The following SNX29 variants were observed in gnomAD, a reference collection of about 807,000 sequenced individuals.
SNX29 encodes the protein sorting nexin-29.
SNX29 carries 78 observed loss-of-function variants against 102.1 expected under a neutral mutation model. That is an observed-to-expected ratio of 0.76 (90% confidence interval 0.64 to 0.92). SNX29 has a LOEUF of 0.92. Ranked by LOEUF, SNX29 falls within the 40% of genes least tolerant of loss-of-function variation. The probability of loss-of-function intolerance (pLI) is 0.00; values close to 1 mark genes in which losing one functional copy is unlikely to be tolerated. For missense variants in SNX29, 1,280 were observed against 1,061.7 expected, an observed-to-expected ratio of 1.21 and a Z score of -2.86; for synonymous variants, 580 against 414.5, an observed-to-expected ratio of 1.40 and a Z score of -4.85.
At position 12,569,006 on chromosome 16, in the gene SNX29, G is replaced by C. The variant is rs916286226; in HGVS notation, c.*377G>C. ...CAAAGGTGATCCCCTATATAGGAAG[G>C]TTCATGCAGAGCCAGCCTCTCCACT... On this transcript the variant is annotated 3_prime_UTR_variant, in exon 21 of 21. Transcript: ENST00000566228. The C allele has an allele frequency of 3.7e-6, 1 of 270,138 alleles. No homozygotes were observed. The highest frequency in any genetic ancestry group is 5.8e-5 in the East Asian group (1 of 17,272). The allele number at this position is 270,138 out of a possible 1,614,324, so 16.7% of individuals were successfully genotyped here.
At chr16:12,302,252 G>C (rs1318840186) in intron 15 of SNX29, among the ~76,000 whole-genome samples, 1 of 152,192 alleles carries the variant, frequency 6.6e-6, no homozygotes, top group Non-Finnish European at 1.5e-5. Context: ...GCCACGTTCC[G>C]TCAAACTTTA....
At chr16:12,124,411 G>A (rs1182731457) in intron 11 of SNX29, among the ~76,000 whole-genome samples, 3 of 151,826 alleles carry the variant, frequency 2.0e-5, no homozygotes, top group Non-Finnish European at 4.4e-5. Context: ...GCCCTGAGGA[G>A]CTTAAAGTTC....
At position 12,046,704 on chromosome 16, in the gene SNX29, C is replaced by T. The variant is rs376834834; in HGVS notation, c.499+250C>T. 1.1e-4 allele frequency among the ~76,000 whole-genome samples: 16 copies of T among 152,362 alleles called. No individual in the cohort carries two copies. In the East Asian group the frequency reaches 1.4e-3, roughly 13 times the overall value. ...ATGCAACCTCGGCTCACTGCAACCT[C>T]CGCCTCCTGGGTTCAAGTCATTTTC... On this transcript the variant is annotated intron_variant, in intron 6 of 20. Coordinates refer to ENST00000566228, the MANE Select transcript of SNX29 (RefSeq NM_032167.5).
At chr16:12,151,850 C>T (rs1354889273) in intron 13 of SNX29, among the ~76,000 whole-genome samples, 1 of 152,208 alleles carries the variant, frequency 6.6e-6, no homozygotes, top group Non-Finnish European at 1.5e-5. Flanking sequence ...ATTCTCCTGC[C>T]TCAGCCTCCT....
intron 14 of SNX29, among the ~76,000 whole-genome samples, chr16:12,218,636 G>T (rs2077388677): frequency 6.6e-6 from 1 of 152,100 alleles, no homozygotes. Flanking sequence ...GAACAGTCAG[G>T]AATTTTCCTC....
intron 18 of SNX29, among the ~76,000 whole-genome samples, chr16:12,415,185 A>G (rs945971887): frequency 1.3e-5 from 2 of 152,260 alleles, no homozygotes; most frequent in Non-Finnish European, 2.9e-5. Flanking sequence ...AGGACCCACA[A>G]ACTGGCAGTG....
In SNX29 at chr16:12,572,355, G is replaced by A. The variant is rs1423652710; in HGVS notation, c.*3726G>A. On this transcript the variant is annotated 3_prime_UTR_variant, in exon 21 of 21. Coordinates refer to ENST00000566228, the MANE Select transcript of SNX29 (RefSeq NM_032167.5). Reference sequence around the variant, plus strand: ...CACCAGCCTGCCTGGTTGATGGACAGCAGGCTCTGCCTTCTGGAGGCGGCT... The same window carrying A: ...CACCAGCCTGCCTGGTTGATGGACAACAGGCTCTGCCTTCTGGAGGCGGCT... 1.9e-6 allele frequency: 2 copies of A among 1,062,646 alleles called. No individual in the cohort carries two copies. The highest frequency in any genetic ancestry group is 2.3e-6 in the Non-Finnish European group (2 of 877,666). The allele number at this position is 1,062,646 out of a possible 1,614,324, so 65.8% of individuals were successfully genotyped here.
At chr16:12,013,984 G>A (rs2056764698) in intron 3 of SNX29, among the ~76,000 whole-genome samples, 1 of 151,786 alleles carries the variant, frequency 6.6e-6, no homozygotes, top group Non-Finnish European at 1.5e-5. Flanking sequence ...TGTTTTTAAA[G>A]ACGGGTCTTG....
intron 19 of SNX29, among the ~76,000 whole-genome samples, chr16:12,523,023 G>A (rs1462453295): frequency 1.3e-5 from 2 of 152,140 alleles, no homozygotes; most frequent in African/African-American, 4.8e-5. Flanking sequence ...TGTTACCCAG[G>A]CTGGTCTCAA....
chr16:12,423,541 G>A (rs906930884), intron 18 of SNX29, among the ~76,000 whole-genome samples: 7 of 152,146 alleles, frequency 4.6e-5, no homozygotes, highest in African/African-American at 1.7e-4. Flanking sequence ...TGGGGTAACA[G>A]GTGCCAAGTG....
chr16:12,048,546 C>G lies in SNX29; in HGVS notation c.674C>G (p.Ser225Cys). The G allele has an allele frequency of 1.2e-6, 2 of 1,613,978 alleles. No homozygotes were observed. The highest frequency in any genetic ancestry group is 1.7e-6 in the Non-Finnish European group (2 of 1,179,866). ...SSLFREITAS[S>C]AVSILIKPEQ... Reference sequence around the variant, plus strand: ...CTGTTCAGGGAGATCACAGCCTCCTCTGCCGTCTCCATCCTCATCAAACCT... The same window carrying G: ...CTGTTCAGGGAGATCACAGCCTCCTGTGCCGTCTCCATCCTCATCAAACCT... The change falls in exon 7 of 21, where the codon TCT becomes TGT. Residue 225 changes from serine (S) to cysteine (C), a missense_variant. Physicochemically the swap from Ser to Cys is moderately radical, Grantham distance 112 (BLOSUM62 -1). Coordinates refer to ENST00000566228, the MANE Select transcript of SNX29 (RefSeq NM_032167.5).
At chr16:12,405,441 A>G (rs575312934) in intron 18 of SNX29, among the ~76,000 whole-genome samples, 6 of 152,318 alleles carry the variant, frequency 3.9e-5, no homozygotes, top group Admixed American at 2.0e-4. Context: ...CCCTGCTTCC[A>G]GCCAGCCTCA....
intron 16 of SNX29, among the ~76,000 whole-genome samples, chr16:12,376,641 C>A (rs992888625): frequency 2.1e-5 from 3 of 141,966 alleles, no homozygotes; most frequent in Non-Finnish European, 4.5e-5. Flanking sequence ...GAGGCGGAGG[C>A]AGGGAGAATT....
chr16:12,541,324 C>T (rs961344648), intron 20 of SNX29, among the ~76,000 whole-genome samples: 1 of 152,174 alleles, frequency 6.6e-6, no homozygotes, highest in Non-Finnish European at 1.5e-5. Flanking sequence ...TGGAGGACTT[C>T]TGAGTGCCAG....
chr16:12,574,104 A>G lies in SNX29; in HGVS notation c.*5475A>G. On this transcript the variant is annotated 3_prime_UTR_variant, in exon 21 of 21. Coordinates refer to ENST00000566228, the MANE Select transcript of SNX29 (RefSeq NM_032167.5). Reference sequence around the variant, plus strand: ...CCCTGAAACCTGTAGTATTATCTTAACTACCCTCTTATGTTAAGGTTTACA... The same window carrying G: ...CCCTGAAACCTGTAGTATTATCTTAGCTACCCTCTTATGTTAAGGTTTACA... The G allele has an allele frequency of 5.3e-6, 1 of 187,278 alleles. No homozygotes were observed. Among genetic ancestry groups the G allele is most frequent in the Non-Finnish European group, 1.1e-5 (1 of 88,698 alleles). 11.6% of individuals were successfully genotyped at this position (187,278 alleles called of 1,614,324 possible).
rs534923503 is a variant in SNX29, at chr16:12,408,284, G to A, written c.2037+4755G>A. Among the ~76,000 whole-genome samples the A allele has an allele frequency of 1.4e-3, 220 of 152,370 alleles. 1 individual carries two copies. Among genetic ancestry groups the A allele is most frequent in the South Asian group, 1.7e-3 (8 of 4,828 alleles). ...GGGCAGCCACCTACACCCCTGAGATGGTAGGCTAAGGGCAGGCCTGCAGCC... is the reference window on the plus strand; with the variant it reads ...GGGCAGCCACCTACACCCCTGAGATAGTAGGCTAAGGGCAGGCCTGCAGCC... On this transcript the variant is annotated intron_variant, in intron 18 of 20. Transcript: ENST00000566228.
chr16:12,192,456 T>A (rs796340889), intron 13 of SNX29, among the ~76,000 whole-genome samples: 11 of 152,300 alleles, frequency 7.2e-5, no homozygotes, highest in African/African-American at 2.6e-4. Context: ...CCACCCCTCA[T>A]TCCATTTGCT....
chr16:12,304,188 T>G (rs991954405), intron 15 of SNX29, among the ~76,000 whole-genome samples: 3 of 152,078 alleles, frequency 2.0e-5, no homozygotes, highest in African/African-American at 4.8e-5. Flanking sequence ...TTTGTTTTTT[T>G]TTTTTGCCTT....
chr16:12,172,952 T>G lies in SNX29; in HGVS notation c.1596-26649T>G, dbSNP rs999019493. ...AGCAGTGTTGAAGTCAGGTGAAATA[T>G]GGAGATGAATCTACATTTAAAACGT... On this transcript the variant is annotated intron_variant, in intron 13 of 20. Coordinates refer to ENST00000566228, the MANE Select transcript of SNX29 (RefSeq NM_032167.5). Among the ~76,000 whole-genome samples, 5 of 152,230 alleles carry G rather than the reference T, an allele frequency of 3.3e-5. No homozygotes were observed. In the East Asian group the frequency reaches 9.6e-4, roughly 29 times the overall value.
Sources: allele counts gnomAD v4.1 joint callset (sites outside exome capture counted in the v4.1 genomes callset), GRCh38; gene constraint gnomAD v4.1.1; transcripts MANE v1.5; gene names NCBI Gene and HGNC (gene_info 2026-07-23, HGNC 2026-07-21).